The following ZZEF1 variants were observed in gnomAD, a reference collection of about 807,000 sequenced individuals.
The protein encoded by ZZEF1 is zinc finger ZZ-type and EF-hand domain containing 1.
In ZZEF1, 157 loss-of-function variants were observed where a neutral mutation model predicts 342.8. The observed-to-expected ratio is 0.46, with a 90% CI of 0.40 to 0.52. ZZEF1 has a LOEUF of 0.52. ZZEF1 is among the 20% of genes least tolerant of loss of function. The pLI, the probability that ZZEF1 is intolerant of heterozygous loss-of-function variation, is 0.00. For synonymous variants in ZZEF1, 1,505 were observed against 1,429.1 expected, an observed-to-expected ratio of 1.05 and a Z score of -1.20; for missense variants, 3,480 against 3,725.6, an observed-to-expected ratio of 0.93 and a Z score of 1.72.
intron 6 of ZZEF1, among the ~76,000 whole-genome samples, chr17:4,106,698 C>T (rs1418800178): frequency 6.6e-6 from 1 of 152,044 alleles, no homozygotes; most frequent in Non-Finnish European, 1.5e-5. Flanking sequence ...ATAGCTTTAC[C>T]TACTCTAGAT....
At position 4,013,623 on chromosome 17, in the gene ZZEF1, C is replaced by A. The variant is rs183714485; in HGVS notation, c.8414-9G>T. The A allele has an allele frequency of 4.4e-6, 7 of 1,606,736 alleles. No homozygotes were observed. Among genetic ancestry groups the A allele is most frequent in the Non-Finnish European group, 6.0e-6 (7 of 1,175,478 alleles). On this transcript the variant is annotated splice_polypyrimidine_tract_variant and intron_variant, in intron 51 of 54. Transcript: ENST00000381638. ...CTTCAAAATCTCGAATCCTGGCCAA[C>A]ACCCCAAAACACGGATATATAAACA...
chr17:4,037,758 A>AT lies in ZZEF1; in HGVS notation c.6307-3467dup, dbSNP rs941519625. On this transcript the variant is annotated intron_variant, in intron 39 of 54. Transcript: ENST00000381638. The stretch of plus-strand genomic sequence containing the variant: ...GCCACCATGCCTGGTTAATTTTTCT[A>AT]TTTTTTTGTAGATAGAGTCTTGCTA... Among the ~76,000 whole-genome samples, 5 of 151,928 alleles carry AT rather than the reference A, an allele frequency of 3.3e-5. No homozygotes were observed. The South Asian group carries it at 8.3e-4, about 25-fold the overall frequency.
Position 4,112,726 on chromosome 17 carries a change from C to T in ZZEF1, c.949G>A (p.Val317Met), listed in dbSNP as rs1022586521. 1 of 1,614,022 alleles carries T rather than the reference C, an allele frequency of 6.2e-7. No homozygotes were observed. The highest frequency in any genetic ancestry group is 8.5e-7 in the Non-Finnish European group (1 of 1,179,886). The change falls in exon 5 of 55, where the codon GTG becomes ATG. Residue 317 changes from valine to methionine, a missense_variant. This residue lies in a region of ZZEF1 where 92 missense variants were observed against 130.3 expected (regional missense o/e 0.71). Coordinates refer to ENST00000381638, the MANE Select transcript of ZZEF1 (RefSeq NM_015113.4). ...ATDQSYMPQQ[V>M]TVAVGRNASD... ...GCATTCCTCCCTACAGCTACTGTCA[C>T]CTGCTGTGGCATGTAGCTCTGGTCA...
chr17:4,054,559 G>A lies in ZZEF1; in HGVS notation c.5296-364C>T, dbSNP rs181889857. The stretch of plus-strand genomic sequence containing the variant: ...GTAAGGGAGGTGGGCATGTCAGATA[G>A]AAATAGCAAATTTGACAGACAGCAA... On this transcript the variant is annotated intron_variant, in intron 33 of 54. Coordinates refer to ENST00000381638, the MANE Select transcript of ZZEF1 (RefSeq NM_015113.4). Among the ~76,000 whole-genome samples the A allele has an allele frequency of 3.0e-3, 461 of 152,316 alleles. 3 individuals are homozygous for A. Among genetic ancestry groups the A allele is most frequent in the Non-Finnish European group, 4.9e-3 (330 of 68,036 alleles).
rs368723194 is a variant in ZZEF1, at chr17:4,075,376, C to T, written c.3288G>A (p.Thr1096=). Residue 1096 remains threonine, a synonymous_variant, in exon 22 of 55, where the codon ACG becomes ACA. Coordinates refer to ENST00000381638, the MANE Select transcript of ZZEF1 (RefSeq NM_015113.4). The part of the protein sequence containing the change: ...QEQPVVLHTW[T]KESAHNYENN... The stretch of plus-strand genomic sequence containing the variant: ...TTTCATAGTTGTGGGCAGATTCCTT[C>T]GTCCACGTATGTAACACCACAGGCT... 1.1e-5 allele frequency: 17 copies of T among 1,614,082 alleles called. No homozygotes were observed. The African/African-American group carries it at 1.3e-4, about 13-fold the overall frequency.
intron 39 of ZZEF1, among the ~76,000 whole-genome samples, chr17:4,037,737 C>T (rs1047349890): frequency 2.0e-5 from 3 of 152,152 alleles, no homozygotes; most frequent in African/African-American, 7.2e-5. Flanking sequence ...GTGTGTGCCA[C>T]CATGCCTGGT....
At chr17:4,136,851 C>T (rs1187963888) in intron 1 of ZZEF1, among the ~76,000 whole-genome samples, 3 of 152,146 alleles carry the variant, frequency 2.0e-5, no homozygotes, top group African/African-American at 4.8e-5. Context: ...TCCCTTCCTT[C>T]CTTTGCCAGG....
At chr17:4,079,131 T>C (rs1473597527) in intron 18 of ZZEF1, among the ~76,000 whole-genome samples, 1 of 152,194 alleles carries the variant, frequency 6.6e-6, no homozygotes, top group Non-Finnish European at 1.5e-5. Flanking sequence ...ACGTACATCT[T>C]AAAATAAATC....
At chr17:4,046,467 C>T (rs1027644755) in intron 37 of ZZEF1, among the ~76,000 whole-genome samples, 1 of 152,220 alleles carries the variant, frequency 6.6e-6, no homozygotes, top group Non-Finnish European at 1.5e-5. Context: ...CAAACGTTGA[C>T]TTTCACTCTT....
chr17:4,014,699 G>A lies in ZZEF1; in HGVS notation c.8146-184C>T, dbSNP rs2056055693. ...CATGCACAGACTGCAAATATGGTGC[G>A]AGGGAGGCACAGCGGGGCAGGCAAC... is the stretch of plus-strand genomic sequence containing the variant. On this transcript the variant is annotated intron_variant, in intron 49 of 54. Transcript: ENST00000381638. The surrounding 1 kb of genome is among the most constrained non-coding windows in gnomAD (Gnocchi z 4.4). 6.6e-6 allele frequency among the ~76,000 whole-genome samples: 1 copy of A among 152,218 alleles called. No individual in the cohort carries two copies. The highest frequency in any genetic ancestry group is 6.5e-5 in the Admixed American group (1 of 15,280).
chr17:4,027,592 G>GA (rs1376911320), intron 42 of ZZEF1, among the ~76,000 whole-genome samples: 3 of 115,476 alleles, frequency 2.6e-5, no homozygotes, highest in African/African-American at 1.1e-4. Context: ...ACTGTGCCCT[G>GA]CCTTTTTTTT....
intron 6 of ZZEF1, among the ~76,000 whole-genome samples, chr17:4,108,091 A>AT (rs574222566): frequency 2.6e-4 from 40 of 152,350 alleles, no homozygotes; most frequent in African/African-American, 9.6e-4. Context: ...GGAATACGAT[A>AT]TTTACATAGT....
In ZZEF1 at chr17:4,077,695, G is replaced by C. The variant is rs149211371; in HGVS notation, c.2989+188C>G. On this transcript the variant is annotated intron_variant, in intron 19 of 54. Coordinates refer to ENST00000381638, the MANE Select transcript of ZZEF1 (RefSeq NM_015113.4). ...ATACTTAGGCATACCACCACACTCA[G>C]AGAGTAAACTCTAGACAAAAAGACA... Among the ~76,000 whole-genome samples, 33 of 152,284 alleles carry C rather than the reference G, an allele frequency of 2.2e-4. 1 individual carries two copies. In the East Asian group the frequency reaches 4.0e-3, roughly 19 times the overall value.
In ZZEF1 at chr17:4,102,360, C is replaced by T. The variant is rs542493554; in HGVS notation, c.1629G>A (p.Lys543=). ...CAACAAGGAGGTTTTCGGGTCCAGACTTATCTTCTTTTCCTTTGACATCAC... is the reference window on the plus strand; with the variant it reads ...CAACAAGGAGGTTTTCGGGTCCAGATTTATCTTCTTTTCCTTTGACATCAC... ...QACDVKGKED[K]SGPENLLVEP... is the part of the protein sequence containing the mutation. Residue 543 remains lysine, a synonymous_variant, in exon 9 of 55, where the codon AAG becomes AAA. Coordinates refer to ENST00000381638, the MANE Select transcript of ZZEF1 (RefSeq NM_015113.4). The T allele has an allele frequency of 1.7e-4, 281 of 1,613,976 alleles. 2 individuals are homozygous for T. In the South Asian group the frequency reaches 2.8e-3, roughly 16 times the overall value.
At position 4,005,976 on chromosome 17, in the gene ZZEF1, C is replaced by T. The variant is rs2055791648; in HGVS notation, c.*914G>A. 1 of 152,196 alleles carries T rather than the reference C, an allele frequency of 6.6e-6. No individual in the cohort carries two copies. Among genetic ancestry groups the T allele is most frequent in the Non-Finnish European group, 1.5e-5 (1 of 68,054 alleles). 9.4% of individuals were successfully genotyped at this position (152,196 alleles called of 1,614,324 possible). ...TGACAGCCAAACAGCCACGCAGAGT[C>T]CCAGAGGTGGGTATGACAGACTACC... On this transcript the variant is annotated 3_prime_UTR_variant, in exon 55 of 55. Coordinates refer to ENST00000381638, the MANE Select transcript of ZZEF1 (RefSeq NM_015113.4).
intron 37 of ZZEF1, among the ~76,000 whole-genome samples, chr17:4,048,873 A>ATTTTTTTTTTTTTTTTTTTTTTTTT (rs71144157): frequency 1.5e-5 from 2 of 133,758 alleles, no homozygotes; most frequent in Non-Finnish European, 1.6e-5. Context: ...AGCCTGGATA[A>ATTTTTTTTTTTTTTTTTTTTTTTTT]TTTTTTTTTT....
At chr17:4,012,850 C>G (rs9909484) in intron 52 of ZZEF1, among the ~76,000 whole-genome samples, 4,416 of 151,962 alleles carry the variant, frequency 0.029, 231 homozygotes, top group African/African-American at 0.099. Flanking sequence ...TTAAAAAATA[C>G]CAATTATAGT....
intron 1 of ZZEF1, among the ~76,000 whole-genome samples, chr17:4,127,578 C>T (rs749993315): frequency 6.6e-6 from 1 of 152,096 alleles, no homozygotes; most frequent in Non-Finnish European, 1.5e-5. Context: ...ATGTTTAAAA[C>T]TTTCCTATTA....
chr17:4,009,557 A>C (rs1434192705), intron 53 of ZZEF1, 47 bp downstream of exon 53: 2 of 1,609,014 alleles, frequency 1.2e-6, no homozygotes, highest in Non-Finnish European at 8.5e-7. Flanking sequence ...AGAGGGAGCA[A>C]ACGCACATGG....
Sources: allele counts gnomAD v4.1 joint callset (sites outside exome capture counted in the v4.1 genomes callset), GRCh38; gene constraint gnomAD v4.1.1; regional missense constraint gnomAD v4.1.1; non-coding constraint Gnocchi (gnomAD v3.1); transcripts MANE v1.5; gene names NCBI Gene and HGNC (gene_info 2026-07-23, HGNC 2026-07-21).